Variants in MEIKIN observed in about 807,000 individuals in gnomAD.
The protein encoded by MEIKIN is meiotic kinetochore factor.
chr5:131,924,883 G>A (rs746041770), intron 5 of MEIKIN, among the ~76,000 whole-genome samples: 3 of 152,074 alleles, frequency 2.0e-5, no homozygotes, highest in Non-Finnish European at 2.9e-5. Flanking sequence ...GCATATCCAC[G>A]AAATCACTGC....
chr5:131,936,753 C>T (rs972895348), intron 4 of MEIKIN, among the ~76,000 whole-genome samples: 1 of 152,034 alleles, frequency 6.6e-6, no homozygotes, highest in East Asian at 1.9e-4. Flanking sequence ...TGCTGCTACG[C>T]CTGGCTACTT....
At chr5:131,923,984 T>G (rs13168145) in intron 5 of MEIKIN, among the ~76,000 whole-genome samples, 4 of 152,094 alleles carry the variant, frequency 2.6e-5, no homozygotes, top group African/African-American at 9.7e-5. Flanking sequence ...CAACTCCCAA[T>G]TTTCCTTTCC....
chr5:131,822,737 T>G (rs761559824), intron 11 of MEIKIN, among the ~76,000 whole-genome samples: 21 of 152,198 alleles, frequency 1.4e-4, no homozygotes, highest in Non-Finnish European at 2.2e-4. Flanking sequence ...AATGTTATAC[T>G]ATTCTGTTTT....
intron 8 of MEIKIN, among the ~76,000 whole-genome samples, chr5:131,901,080 T>C (rs1488056387): frequency 6.6e-6 from 1 of 152,088 alleles, no homozygotes; most frequent in African/African-American, 2.4e-5. Flanking sequence ...CAGTGCCCTG[T>C]TCTTGTGTTG....
At position 131,874,030 on chromosome 5, in the gene MEIKIN, C is replaced by T. The variant is rs375602375; in HGVS notation, c.774+4948G>A. 2.2e-4 allele frequency among the ~76,000 whole-genome samples: 34 copies of T among 152,222 alleles called. 1 individual carries two copies. In the East Asian group the frequency reaches 6.4e-3, roughly 28 times the overall value. ...GGAAATTTATAGCACTAAATGCCCA[C>T]AAGAGAAAGCAGGAAAGATCTAAAA... On this transcript the variant is annotated intron_variant, in intron 9 of 12. Coordinates refer to ENST00000442687, the MANE Select transcript of MEIKIN (RefSeq NM_001303622.2).
chr5:131,929,134 A>T (rs1191673544), intron 5 of MEIKIN, among the ~76,000 whole-genome samples: 1 of 152,144 alleles, frequency 6.6e-6, no homozygotes, highest in Non-Finnish European at 1.5e-5. Flanking sequence ...ATTCTCTCTG[A>T]TCTGTAAGGT....
intron 11 of MEIKIN, among the ~76,000 whole-genome samples, chr5:131,850,111 T>C (rs373266173): frequency 6.6e-6 from 1 of 150,940 alleles, no homozygotes; most frequent in East Asian, 1.9e-4. Context: ...CAAAAGAATA[T>C]TTAGGAATTA....
chr5:131,943,763 T>G (rs1192634341), intron 3 of MEIKIN, among the ~76,000 whole-genome samples: 1 of 152,206 alleles, frequency 6.6e-6, no homozygotes, highest in East Asian at 1.9e-4. Context: ...TTTAAAAAAA[T>G]GTCTTGTGTT....
Position 131,868,229 on chromosome 5 carries a change from A to G in MEIKIN, c.774+10749T>C, listed in dbSNP as rs138116237. ...CTTCACTTCCAGAGTAGTTATGACT[A>G]CAGGCCTGCAGCACCATGCCAGGCT... On this transcript the variant is annotated intron_variant, in intron 9 of 12. Transcript: ENST00000442687. 5.4e-3 allele frequency among the ~76,000 whole-genome samples: 824 copies of G among 152,224 alleles called. 11 individuals carry two copies. Among genetic ancestry groups the G allele is most frequent in the African/African-American group, 0.019 (799 of 41,532 alleles).
intron 9 of MEIKIN, among the ~76,000 whole-genome samples, chr5:131,875,912 T>G (rs1425847216): frequency 2.6e-5 from 4 of 152,172 alleles, no homozygotes; most frequent in Non-Finnish European, 5.9e-5. Flanking sequence ...CGCTATTTAA[T>G]AAATGGTGCT....
chr5:131,888,375 T>C (rs1750840599), intron 8 of MEIKIN, among the ~76,000 whole-genome samples: 1 of 147,402 alleles, frequency 6.8e-6, no homozygotes, highest in South Asian at 2.1e-4. Context: ...GCACCTGTTG[T>C]TTCCTGACTT....
chr5:131,918,254 G>A (rs372404126), intron 6 of MEIKIN, among the ~76,000 whole-genome samples: 91 of 152,298 alleles, frequency 6.0e-4, no homozygotes, highest in South Asian at 4.1e-3. Context: ...TGAAACCCTG[G>A]ATCAAGTTGC....
At chr5:131,841,562 T>G (rs993857812) in intron 11 of MEIKIN, among the ~76,000 whole-genome samples, 1 of 152,200 alleles carries the variant, frequency 6.6e-6, no homozygotes, top group Non-Finnish European at 1.5e-5. Context: ...AAAGATTGCT[T>G]TGGCTATTTG....
intron 4 of MEIKIN, among the ~76,000 whole-genome samples, chr5:131,934,567 A>G (rs1751743217): frequency 6.6e-6 from 1 of 152,202 alleles, no homozygotes; most frequent in South Asian, 2.1e-4. Flanking sequence ...ATGTAAAGAA[A>G]TTAACTCTAA....
At chr5:131,841,035 T>C (rs561263661) in intron 11 of MEIKIN, among the ~76,000 whole-genome samples, 1 of 152,274 alleles carries the variant, frequency 6.6e-6, no homozygotes, top group Admixed American at 6.5e-5. Flanking sequence ...TTTATCTTAT[T>C]TGATGGCCTT....
chr5:131,882,844 T>C (rs1750721365), intron 8 of MEIKIN, among the ~76,000 whole-genome samples: 1 of 152,132 alleles, frequency 6.6e-6, no homozygotes. Context: ...TTTTTTCACT[T>C]ATTGTTCCCA....
Position 131,945,560 on chromosome 5 carries a change from C to A in MEIKIN, c.-55G>T. On this transcript the variant is annotated 5_prime_UTR_variant, in exon 1 of 13. Coordinates refer to ENST00000442687, the MANE Select transcript of MEIKIN (RefSeq NM_001303622.2). ...GTGCCTCTGGACTCTCGATGGCCTG[C>A]CTTCCTGAGGATCAGGGCTAAGTCA... The A allele has an allele frequency of 2.5e-6, 1 of 400,054 alleles. No homozygotes were observed. Among genetic ancestry groups the A allele is most frequent in the Non-Finnish European group, 4.4e-6 (1 of 226,022 alleles). 24.8% of individuals were successfully genotyped at this position (400,054 alleles called of 1,614,324 possible). A position where few individuals can be genotyped will look rare whatever the true frequency, so the allele number is the denominator to read the frequency against.
Position 131,921,926 on chromosome 5 carries a change from T to A in MEIKIN, c.494A>T (p.Asn165Ile), listed in dbSNP as rs983980919. 5 of 398,890 alleles carry A rather than the reference T, an allele frequency of 1.3e-5. No individual in the cohort carries two copies. The highest frequency in any genetic ancestry group is 1.0e-4 in the African/African-American group (5 of 48,632). 24.7% of individuals were successfully genotyped at this position (398,890 alleles called of 1,614,324 possible). A position where few individuals can be genotyped will look rare whatever the true frequency, so the allele number is the denominator to read the frequency against. The change falls in exon 6 of 13, where the codon AAC (asparagine) becomes ATC (isoleucine). Residue 165 changes from asparagine to isoleucine, a missense_variant. Asn to Ile is a moderately radical substitution (Grantham distance 149). Coordinates refer to ENST00000442687, the MANE Select transcript of MEIKIN (RefSeq NM_001303622.2). ...CTTCCACTGCATGTGTTCTTCCAAG[T>A]TGGGACACTCCCAGTCTAAAACAGC... Reference protein sequence around the residue: ...KSDYLDWECPNLEEHMQWKNS... With the variant: ...KSDYLDWECPILEEHMQWKNS...
intron 11 of MEIKIN, among the ~76,000 whole-genome samples, chr5:131,835,980 A>T (rs1417648700): frequency 6.6e-6 from 1 of 152,120 alleles, no homozygotes; most frequent in Non-Finnish European, 1.5e-5. Context: ...TTTGTTGCAC[A>T]GATTATTTTG....
Sources: gnomAD v4.1 joint callset for allele counts (sites outside exome capture counted in the v4.1 genomes callset) on GRCh38, gnomAD v4.1.1 for gene constraint, MANE v1.5 for transcripts, NCBI Gene and HGNC (gene_info 2026-07-23, HGNC 2026-07-21) for gene names.